The following GPR158 variants were observed in gnomAD, a reference collection of about 807,000 sequenced individuals.
The protein encoded by GPR158 is G protein-coupled receptor 158, also known as metabotropic glycine receptor.
A neutral mutation model predicts 78.2 loss-of-function variants in GPR158; 30 were observed. That is an observed-to-expected ratio of 0.38 (90% CI 0.29 to 0.52). GPR158 has a LOEUF of 0.52. Ranked by LOEUF, GPR158 falls within the 20% of genes least tolerant of loss-of-function variation. GPR158 has a pLI of 0.83. For synonymous variants in GPR158, 581 were observed against 591.1 expected (o/e 0.98, Z 0.25); for missense variants, 1,463 against 1,523.5 (o/e 0.96, Z 0.66).
chr10:25,298,514 T>C lies in GPR158; in HGVS notation c.1008+77357T>C, dbSNP rs549465067. 1.1e-4 allele frequency among the ~76,000 whole-genome samples: 17 copies of C among 152,334 alleles called. No homozygotes were observed. In the South Asian group the frequency reaches 3.5e-3, roughly 32 times the overall value. ...TTAAATCAAAAAATGGTGCTTTTGA[T>C]TCTCTTTAAGGGTGGAATACAAGTT... On this transcript the variant is annotated intron_variant, in intron 2 of 10. Transcript: ENST00000376351.
intron 4 of GPR158, among the ~76,000 whole-genome samples, chr10:25,441,376 C>A (rs1314906521): frequency 6.6e-6 from 1 of 152,120 alleles, no homozygotes; most frequent in African/African-American, 2.4e-5. Flanking sequence ...TGGAGTTTGC[C>A]CTTTCTGCTT....
At chr10:25,372,977 C>G (rs1216033505) in intron 2 of GPR158, among the ~76,000 whole-genome samples, 3 of 151,918 alleles carry the variant, frequency 2.0e-5, no homozygotes, top group African/African-American at 7.2e-5. Flanking sequence ...TATAAATTGT[C>G]TGTCATAAAA....
intron 2 of GPR158, among the ~76,000 whole-genome samples, chr10:25,339,109 C>A (rs1855267317): frequency 6.6e-6 from 1 of 150,988 alleles, no homozygotes; most frequent in South Asian, 2.1e-4. Flanking sequence ...CTCAGTCTTC[C>A]AAGTACCTGG....
At chr10:25,214,169 T>C (rs905088585) in intron 1 of GPR158, among the ~76,000 whole-genome samples, 2 of 152,110 alleles carry the variant, frequency 1.3e-5, no homozygotes, top group African/African-American at 4.8e-5. Flanking sequence ...TAATTTTTTG[T>C]ATTTTTAGTA....
chr10:25,363,111 A>G (rs1855666486), intron 2 of GPR158, among the ~76,000 whole-genome samples: 1 of 151,822 alleles, frequency 6.6e-6, no homozygotes, highest in Non-Finnish European at 1.5e-5. Context: ...TTGATTATTT[A>G]TTCTAGATTA....
At chr10:25,586,322 G>C (rs148086030) in intron 7 of GPR158, among the ~76,000 whole-genome samples, 3 of 151,140 alleles carry the variant, frequency 2.0e-5, no homozygotes, top group African/African-American at 7.3e-5. Flanking sequence ...AGATAGTGTT[G>C]AAAGTAAGGC....
chr10:25,478,696 C>T (rs4408231), intron 5 of GPR158, among the ~76,000 whole-genome samples: 67,447 of 151,508 alleles, frequency 0.45, 16,079 homozygotes, highest in East Asian at 0.8. Context: ...GCACAGTGTG[C>T]AGGTTTGTTA....
chr10:25,571,335 T>C (rs1837005032), intron 6 of GPR158, among the ~76,000 whole-genome samples: 1 of 152,222 alleles, frequency 6.6e-6, no homozygotes, highest in Non-Finnish European at 1.5e-5. Context: ...GTGGGGTTAA[T>C]TTAATGGATG....
At chr10:25,379,494 G>A (rs1834125881) in intron 2 of GPR158, among the ~76,000 whole-genome samples, 1 of 152,078 alleles carries the variant, frequency 6.6e-6, no homozygotes, top group Non-Finnish European at 1.5e-5. Flanking sequence ...TTGTTTACTA[G>A]GACCTTTATC....
chr10:25,176,394 G>C lies in GPR158; in HGVS notation c.902+72G>C. 1 of 1,178,786 alleles carries C rather than the reference G, an allele frequency of 8.5e-7. No individual in the cohort carries two copies. The highest frequency in any genetic ancestry group is 1.2e-6 in the Non-Finnish European group (1 of 847,844). The allele number at this position is 1,178,786 out of a possible 1,614,324, so 73.0% of individuals were successfully genotyped here. A position where few individuals can be genotyped will look rare whatever the true frequency, so the allele number is the denominator to read the frequency against. ...CTTCCGGTCTTGTGGGTGGGTGCAC[G>C]TGTGAGGAAGGAACCCTTGGCTGTG... On this transcript the variant is annotated intron_variant, in intron 1 of 10. Transcript: ENST00000376351. This position sits in a 1 kb window ranked among gnomAD's most constrained non-coding sequence, Gnocchi z 6.3.
chr10:25,507,235 T>C (rs941304540), intron 5 of GPR158, among the ~76,000 whole-genome samples: 5 of 152,066 alleles, frequency 3.3e-5, no homozygotes, highest in Non-Finnish European at 7.4e-5. Flanking sequence ...GAGGAAGAAG[T>C]GGAATGGCAG....
chr10:25,420,390 C>G (rs1485153615), intron 4 of GPR158, among the ~76,000 whole-genome samples: 1 of 152,094 alleles, frequency 6.6e-6, no homozygotes, highest in African/African-American at 2.4e-5. Flanking sequence ...TGTCCTCAAG[C>G]AATCCTCCTG....
intron 4 of GPR158, among the ~76,000 whole-genome samples, chr10:25,455,527 T>C (rs1835279090): frequency 6.6e-6 from 1 of 152,176 alleles, no homozygotes; most frequent in Admixed American, 6.5e-5. Context: ...CTGATCCTAA[T>C]GTGTAAAATA....
At chr10:25,194,524 G>A (rs1031188378) in intron 1 of GPR158, among the ~76,000 whole-genome samples, 7 of 152,132 alleles carry the variant, frequency 4.6e-5, no homozygotes, top group African/African-American at 1.7e-4. Flanking sequence ...GGGTGACAGA[G>A]CAAGACTTCA....
At chr10:25,362,964 T>C (rs1468110332) in intron 2 of GPR158, among the ~76,000 whole-genome samples, 1 of 151,914 alleles carries the variant, frequency 6.6e-6, no homozygotes, top group East Asian at 1.9e-4. Flanking sequence ...TCCTTTTGCT[T>C]TCACCTAAGG....
intron 4 of GPR158, among the ~76,000 whole-genome samples, chr10:25,433,066 C>G (rs1359380430): frequency 1.3e-5 from 2 of 152,194 alleles, no homozygotes; most frequent in Non-Finnish European, 2.9e-5. Context: ...ATATTATCCT[C>G]ATTTTACATT....
At chr10:25,424,442 A>T (rs1054380171) in intron 4 of GPR158, among the ~76,000 whole-genome samples, 13 of 151,702 alleles carry the variant, frequency 8.6e-5, no homozygotes, top group African/African-American at 3.1e-4. Flanking sequence ...GGTGTTTTAG[A>T]CATGAAGTCC....
intron 5 of GPR158, among the ~76,000 whole-genome samples, chr10:25,474,167 G>C (rs957992843): frequency 5.3e-5 from 8 of 152,054 alleles, no homozygotes; most frequent in African/African-American, 1.9e-4. Flanking sequence ...GGCTGGAAAA[G>C]TCTAGTAAAT....
At chr10:25,229,432 CTTCTTA>C (rs937839644) in intron 2 of GPR158, among the ~76,000 whole-genome samples, 27 of 152,092 alleles carry the variant, frequency 1.8e-4, no homozygotes, top group African/African-American at 6.5e-4. Flanking sequence ...ATCTAAAAAT[CTTCTTA>C]TTAATTTTAA....
Sources: allele counts gnomAD v4.1 joint callset (sites outside exome capture counted in the v4.1 genomes callset), GRCh38; gene constraint gnomAD v4.1.1; non-coding constraint Gnocchi (gnomAD v3.1); transcripts MANE v1.5; gene names NCBI Gene and HGNC (gene_info 2026-07-23, HGNC 2026-07-21).